MALAT1: variants seen among roughly 807,000 people sequenced by gnomAD.
MALAT1 encodes the protein hepcarcin.
exon 3 of MALAT1, chr11:65,502,966 G>T (rs757759520): frequency 6.1e-6 from 3 of 494,972 alleles, no homozygotes; most frequent in Non-Finnish European, 1.2e-5. Context: ...TCAAAATACT[G>T]CTTTTACAAA....
chr11:65,499,032 C>T (rs778276943), exon 3 of MALAT1: 10 of 518,470 alleles, frequency 1.9e-5, no homozygotes, highest in Middle Eastern at 3.2e-4. Flanking sequence ...ACGCCTCGCC[C>T]GAGCTGTGCG....
exon 3 of MALAT1, chr11:65,501,560 G>A (rs928737867): frequency 3.9e-6 from 2 of 518,570 alleles, no homozygotes; most frequent in African/African-American, 3.9e-5. Context: ...AGAGGGTGGG[G>A]GAGAAAATGT....
chr11:65,504,042 T>G (rs1247238929), intron 3 of MALAT1: 1 of 518,234 alleles, frequency 1.9e-6, no homozygotes, highest in Non-Finnish European at 3.9e-6. Flanking sequence ...ATGCTTACAA[T>G]CTTAGAGTGG....
At chr11:65,498,209 C>T (rs747419822) in intron 1 of MALAT1, 2 of 518,952 alleles carry the variant, frequency 3.9e-6, no homozygotes, top group South Asian at 1.4e-5. Context: ...GAGACAAAGC[C>T]ATTCGCTTAG....
At chr11:65,503,145 T>C (rs749073597) in exon 3 of MALAT1, 15 of 509,344 alleles carry the variant, frequency 2.9e-5, no homozygotes, top group Non-Finnish European at 5.9e-5. Flanking sequence ...TCAGAAGAGT[T>C]GCTTCATTTC....
chr11:65,498,736 T>C (rs770199815), intron 2 of MALAT1: 16 of 518,742 alleles, frequency 3.1e-5, no homozygotes, highest in Non-Finnish European at 5.8e-5. Flanking sequence ...CTTTAAGAGG[T>C]ATTTTAAAAG....
exon 3 of MALAT1, chr11:65,499,443 GT>G (rs760113265): frequency 2.1e-6 from 1 of 474,054 alleles, no homozygotes; most frequent in Non-Finnish European, 4.2e-6. Flanking sequence ...ACAGCTTAAA[GT>G]TTAGTTTAAA....
exon 3 of MALAT1, chr11:65,502,616 A>C (rs1458291396): frequency 1.5e-5 from 7 of 475,506 alleles, no homozygotes; most frequent in Non-Finnish European, 2.8e-5. Context: ...GAGGGAGGGG[A>C]AACTTTTTTT....
chr11:65,499,096 T>G (rs556713075), exon 3 of MALAT1: 21 of 518,140 alleles, frequency 4.1e-5, no homozygotes, highest in Non-Finnish European at 6.2e-5. Context: ...CAGGCGGAGC[T>G]TGAGGAAACC....
intron 1 of MALAT1, chr11:65,498,052 G>A (rs776299532): frequency 1.9e-6 from 1 of 518,922 alleles, no homozygotes; most frequent in Non-Finnish European, 3.8e-6. Context: ...TTTTCTTCCT[G>A]CTCCGGTTCA....
At chr11:65,498,703 C>T (rs779223510) in exon 2 of MALAT1, 2 of 518,566 alleles carry the variant, frequency 3.9e-6, no homozygotes, top group Admixed American at 1.9e-5. Flanking sequence ...TACCTACTGT[C>T]CCTCAAGAGA....
At chr11:65,499,027 TCG>T in exon 3 of MALAT1, 1 of 518,676 alleles carries the variant, frequency 1.9e-6, no homozygotes, top group Non-Finnish European at 3.8e-6. Flanking sequence ...TAAATACGCC[TCG>T]CCCGAGCTGT....
rs150458267 is a variant in MALAT1, at chr11:65,498,766, T to C, written n.231+32T>C. 3,140 of 518,904 alleles carry C rather than the reference T, an allele frequency of 6.1e-3. 76 individuals carry two copies. The highest frequency in any genetic ancestry group is 0.054 in the African/African-American group (2,789 of 52,052). 32.1% of individuals were successfully genotyped at this position (518,904 alleles called of 1,614,324 possible). A position where few individuals can be genotyped will look rare whatever the true frequency, so the allele number is the denominator to read the frequency against. Reference sequence around the variant, plus strand: ...TAAAAGTTCCGGGGGTTTTGTGAGGTGTTTGATGACCCGTTTAAAATATGA... The same window carrying C: ...TAAAAGTTCCGGGGGTTTTGTGAGGCGTTTGATGACCCGTTTAAAATATGA... On this transcript the variant is annotated intron_variant and non_coding_transcript_variant, in intron 2 of 3. Coordinates refer to ENST00000619449, the Ensembl canonical transcript of MALAT1.
chr11:65,503,827 A>T (rs748305163), exon 3 of MALAT1: 1 of 516,600 alleles, frequency 1.9e-6, no homozygotes, highest in African/African-American at 1.9e-5. Context: ...TATTCTTCAT[A>T]AAGTGATGAG....
chr11:65,502,213 C>A (rs965813760), exon 3 of MALAT1: 1 of 518,900 alleles, frequency 1.9e-6, no homozygotes, highest in Non-Finnish European at 3.8e-6. Flanking sequence ...ACTGGGCTGA[C>A]ATTAACTACA....
chr11:65,505,934 C>T (rs776520836), intron 3 of MALAT1: 5 of 435,130 alleles, frequency 1.1e-5, no homozygotes, highest in African/African-American at 4.1e-5. Context: ...CAAAAATTCT[C>T]TGCTAAGACT....
chr11:65,500,978 C>T (rs964813278), exon 3 of MALAT1: 1 of 512,546 alleles, frequency 2.0e-6, no homozygotes, highest in Non-Finnish European at 3.9e-6. Context: ...CTGCCAAGTC[C>T]TGGAGAAATA....
exon 3 of MALAT1, chr11:65,501,166 A>G (rs746473286): frequency 6.1e-6 from 3 of 493,678 alleles, no homozygotes; most frequent in Non-Finnish European, 1.2e-5. Flanking sequence ...CTCACCCTGA[A>G]TTCGTTTTGT....
chr11:65,498,509 G>T (rs1396284231), intron 1 of MALAT1: 2 of 516,074 alleles, frequency 3.9e-6, no homozygotes, highest in African/African-American at 1.9e-5. Flanking sequence ...CCGATTTCTC[G>T]AACAAAAAAG....
Sources: allele counts gnomAD v4.1 joint callset, GRCh38; gene constraint gnomAD v4.1.1; transcripts MANE v1.5; gene names NCBI Gene and HGNC (gene_info 2026-07-23, HGNC 2026-07-21).